CHRNA3: variants seen among roughly 807,000 people sequenced by gnomAD.
CHRNA3 encodes the protein neuronal acetylcholine receptor subunit alpha-3.
A neutral mutation model predicts 41.9 loss-of-function variants in CHRNA3; 34 were observed. That is an observed-to-expected ratio of 0.81 (90% CI 0.62 to 1.08). The LOEUF (loss-of-function observed/expected upper bound fraction) is 1.08, where lower values mean the gene tolerates loss of function less well. Ranked by LOEUF, CHRNA3 falls within the 50% of genes least tolerant of loss-of-function variation. The pLI is 0.00. For missense variants in CHRNA3, 542 were observed against 638.3 expected (o/e 0.85, Z 1.63); for synonymous variants, 281 against 265.2 (o/e 1.06, Z -0.58).
Position 78,601,569 on chromosome 15 carries a change from C to T in CHRNA3, c.1073G>A (p.Arg358Lys). The change falls in exon 5 of 6, where the codon AGG (arginine) becomes AAG (lysine). Residue 358 changes from arginine (R) to lysine (K), a missense_variant. Transcript: ENST00000326828. ...AGCGTTGCCCTCGTTGCTTGTTGGC[C>T]TGGTCATGAACATGACCCTGGGGAG... ...NLLPRVMFMT[R>K]PTSNEGNAQK... 1 of 1,614,182 alleles carries T rather than the reference C, an allele frequency of 6.2e-7. No homozygotes were observed. Among genetic ancestry groups the T allele is most frequent in the Non-Finnish European group, 8.5e-7 (1 of 1,180,038 alleles).
At chr15:78,618,383 G>T in intron 3 of CHRNA3, 1 of 562,130 alleles carries the variant, frequency 1.8e-6, no homozygotes, top group Admixed American at 3.1e-5. Flanking sequence ...TCTCCAGGCT[G>T]CAACCTGTCC....
At chr15:78,596,897 T>C (rs2053122382) in intron 5 of CHRNA3, among the ~76,000 whole-genome samples, 165 bp from the exon 6 acceptor site, 2 of 152,190 alleles carry the variant, frequency 1.3e-5, no homozygotes, top group Non-Finnish European at 2.9e-5. Flanking sequence ...AAATCCACCA[T>C]TCTCAAGTTT....
intron 4 of CHRNA3, 77 bp from the exon 5 acceptor site, chr15:78,602,341 C>A: frequency 6.9e-7 from 1 of 1,447,304 alleles, no homozygotes; most frequent in Admixed American, 2.1e-5. Flanking sequence ...CAACCAGCTT[C>A]TCACAGTAAG....
intron 4 of CHRNA3, among the ~76,000 whole-genome samples, chr15:78,605,212 G>A (rs1008246002): frequency 2.6e-5 from 4 of 152,196 alleles, no homozygotes; most frequent in African/African-American, 7.2e-5. Flanking sequence ...AGGGCTATGA[G>A]AAAGATCATG....
intron 4 of CHRNA3, among the ~76,000 whole-genome samples, chr15:78,615,458 A>T (rs1252262434): frequency 6.6e-6 from 1 of 152,142 alleles, no homozygotes; most frequent in Non-Finnish European, 1.5e-5. Flanking sequence ...ACCACCCCAG[A>T]CCTGGCTGTG....
At chr15:78,612,843 A>T (rs2141339539) in intron 4 of CHRNA3, among the ~76,000 whole-genome samples, 1 of 149,834 alleles carries the variant, frequency 6.7e-6, no homozygotes, top group Admixed American at 6.6e-5. Context: ...TAATATTCAG[A>T]ATCTACAATG....
rs76821682 is a variant in CHRNA3, at chr15:78,601,994, T to G, written c.648A>C (p.Lys216Asn). ...CGCAGCAGTTGTACTTGATGTCGTG[T>G]TTGTAGCCTGGGGCTTTGATGATGG... is the stretch of plus-strand genomic sequence containing the variant. ...EWAIIKAPGYKHDIKYNCCEE... is the reference protein window; with the variant it reads ...EWAIIKAPGYNHDIKYNCCEE... The change falls in exon 5 of 6, where the codon AAA becomes AAC. Residue 216 changes from lysine (K) to asparagine (N), a missense_variant. Physicochemically the swap from Lys to Asn is moderately conservative, Grantham distance 94. Coordinates refer to ENST00000326828, the MANE Select transcript of CHRNA3 (RefSeq NM_000743.5). 1 of 1,613,458 alleles carries G rather than the reference T, an allele frequency of 6.2e-7. No homozygotes were observed. Among genetic ancestry groups the G allele is most frequent in the Non-Finnish European group, 8.5e-7 (1 of 1,179,644 alleles).
rs200710330 is a variant in CHRNA3 at position 78,601,571 on chromosome 15, G to A, written c.1071C>T (p.Thr357=). The A allele has an allele frequency of 3.1e-6, 5 of 1,614,124 alleles. No individual in the cohort carries two copies. The highest frequency in any genetic ancestry group is 4.2e-6 in the Non-Finnish European group (5 of 1,180,036). Residue 357 remains threonine (T), a synonymous_variant, in exon 5 of 6, where the codon ACC becomes ACT. Transcript: ENST00000326828. The part of the protein sequence containing the change: ...LNLLPRVMFM[T]RPTSNEGNAQ... ...CGTTGCCCTCGTTGCTTGTTGGCCT[G>A]GTCATGAACATGACCCTGGGGAGCA...
intron 4 of CHRNA3, among the ~76,000 whole-genome samples, chr15:78,613,254 T>C (rs1446079590): frequency 4.6e-5 from 7 of 152,136 alleles, no homozygotes; most frequent in African/African-American, 1.7e-4. Flanking sequence ...CATGCTGTTA[T>C]AAAGACACAT....
rs966199601 is a variant in CHRNA3, at chr15:78,596,729, G to T, written c.1393C>A (p.Gln465Lys). 1.3e-6 allele frequency: 2 copies of T among 1,599,006 alleles called. No homozygotes were observed. The highest frequency in any genetic ancestry group is 2.7e-5 in the African/African-American group (2 of 74,076). Residue 465 changes from glutamine to lysine, a missense_variant, in exon 6 of 6, where the codon CAA becomes AAA. By Grantham distance (53) the Gln-to-Lys change is moderately conservative. Transcript: ENST00000326828. Reference sequence around the variant, plus strand: ...ATGGCAACATACTTCCAATCATCTTGAATCTGCAAAACAAAATGATAAAAG... The same window carrying T: ...ATGGCAACATACTTCCAATCATCTTTAATCTGCAAAACAAAATGATAAAAG... ...MKAQNEAKEIQDDWKYVAMVI... is the reference protein window; with the variant it reads ...MKAQNEAKEIKDDWKYVAMVI...
Position 78,601,691 on chromosome 15 carries a change from C to T in CHRNA3, c.951G>A (p.Leu317=), listed in dbSNP as rs367742880. 1 of 1,614,056 alleles carries T rather than the reference C, an allele frequency of 6.2e-7. No homozygotes were observed. Among genetic ancestry groups the T allele is most frequent in the Non-Finnish European group, 8.5e-7 (1 of 1,180,026 alleles). Residue 317 remains leucine (L), a synonymous_variant, in exon 5 of 6, where the codon TTG becomes TTA. Coordinates refer to ENST00000326828, the MANE Select transcript of CHRNA3 (RefSeq NM_000743.5). ...YLLFTMIFVT[L]SIVITVFVLN... is the part of the protein sequence containing the mutation. ...GCACGAAGACGGTGATGACGATGGA[C>T]AAGGTTACAAAAATCATGGTGAACA...
At chr15:78,615,438 G>C (rs190825809) in intron 4 of CHRNA3, among the ~76,000 whole-genome samples, 23 of 152,162 alleles carry the variant, frequency 1.5e-4, no homozygotes, top group Non-Finnish European at 2.9e-4. Flanking sequence ...AGCCACAGTG[G>C]ATGGCTGAGA....
intron 4 of CHRNA3, among the ~76,000 whole-genome samples, chr15:78,608,089 G>A (rs1168615549): frequency 2.0e-5 from 3 of 152,236 alleles, no homozygotes; most frequent in Non-Finnish European, 4.4e-5. Flanking sequence ...ACTGGATGGA[G>A]CCCACCACAG....
intron 4 of CHRNA3, among the ~76,000 whole-genome samples, chr15:78,606,633 G>A (rs1431584505): frequency 2.0e-5 from 3 of 151,832 alleles, no homozygotes; most frequent in African/African-American, 7.3e-5. Context: ...TGGTGGCTCA[G>A]GCCTGTAATC....
At chr15:78,595,096 T>G (rs12899226), downstream of CHRNA3, 5,219 of 158,372 alleles carry the variant, frequency 0.033, 125 homozygotes, top group Non-Finnish European at 0.051. Context: ...GGAGACCCTA[T>G]CTAATTTGCA....
Position 78,601,613 on chromosome 15 carries a change from C to T in CHRNA3, c.1029G>A (p.Lys343=), listed in dbSNP as rs2053199945. The T allele has an allele frequency of 6.2e-7, 1 of 1,614,180 alleles. No homozygotes were observed. Among genetic ancestry groups the T allele is most frequent in the Non-Finnish European group, 8.5e-7 (1 of 1,180,038 alleles). Residue 343 remains lysine (K), a synonymous_variant, in exon 5 of 6, where the codon AAG becomes AAA. Transcript: ENST00000326828. ...PTTHTMPSWV[K]TVFLNLLPRV... is the part of the protein sequence containing the mutation. ...TGGGGAGCAGGTTCAAGAATACAGT[C>T]TTCACCCATGAGGGCATTGTGTGTG... is the stretch of plus-strand genomic sequence containing the variant.
In CHRNA3 at chr15:78,618,600, A is replaced by G. The variant is rs2141346744; in HGVS notation, c.267+17T>C. ...TCACCACCAGGGGGCAGCAGTGCCT[A>G]GGGTCTGGTCACTTACTTGCTTGAG... is the stretch of plus-strand genomic sequence containing the variant. On this transcript the variant is annotated intron_variant, in intron 3 of 5. Transcript: ENST00000326828. The G allele has an allele frequency of 6.2e-7, 1 of 1,613,980 alleles. No individual in the cohort carries two copies. Among genetic ancestry groups the G allele is most frequent in the Middle Eastern group, 1.7e-4 (1 of 5,992 alleles).
At chr15:78,608,667 A>G (rs1254443795) in intron 4 of CHRNA3, among the ~76,000 whole-genome samples, 2 of 152,260 alleles carry the variant, frequency 1.3e-5, no homozygotes, top group African/African-American at 2.4e-5. Context: ...TCTAAAAATC[A>G]GAGCACCTCT....
chr15:78,605,946 TC>T (rs1429208022), intron 4 of CHRNA3, among the ~76,000 whole-genome samples: 1 of 151,918 alleles, frequency 6.6e-6, no homozygotes, highest in Non-Finnish European at 1.5e-5. Context: ...CTTCTCCTAT[TC>T]CCCCCAAGAA....
Sources: allele counts gnomAD v4.1 joint callset (sites outside exome capture counted in the v4.1 genomes callset), GRCh38; gene constraint gnomAD v4.1.1; transcripts MANE v1.5; gene names NCBI Gene and HGNC (gene_info 2026-07-23, HGNC 2026-07-21).